Variants in DDAH1 observed in about 807,000 individuals in gnomAD.
DDAH1 encodes dimethylarginine dimethylaminohydrolase 1, also known as N(G),N(G)-dimethylarginine dimethylaminohydrolase 1.
A neutral mutation model predicts 28.8 loss-of-function variants in DDAH1; 19 were observed. The observed-to-expected ratio is 0.66, with a 90% confidence interval of 0.46 to 0.97. DDAH1 has a LOEUF of 0.97. Among genes scored for constraint, DDAH1 ranks in the 50% least tolerant of loss-of-function variants. DDAH1 has a pLI of 0.00. For missense variants in DDAH1, 326 were observed against 375.9 expected, an observed-to-expected ratio of 0.87 and a Z score of 1.10; for synonymous variants, 153 against 154.4, an observed-to-expected ratio of 0.99 and a Z score of 0.07.
At chr1:85,434,199 T>C (rs1376741092) in intron 1 of DDAH1, among the ~76,000 whole-genome samples, 1 of 152,168 alleles carries the variant, frequency 6.6e-6, no homozygotes, top group African/African-American at 2.4e-5. Flanking sequence ...AGTTATTACA[T>C]TTAACATTTT....
intron 1 of DDAH1, among the ~76,000 whole-genome samples, chr1:85,450,929 C>A (rs960718663): frequency 6.6e-6 from 1 of 152,154 alleles, no homozygotes; most frequent in African/African-American, 2.4e-5. Context: ...CTTAGAAGAT[C>A]AGAGGATGAA....
At chr1:85,476,939 GC>G (rs1228668363) in intron 2 of DDAH1, among the ~76,000 whole-genome samples, 2 of 152,136 alleles carry the variant, frequency 1.3e-5, no homozygotes, top group African/African-American at 4.8e-5. Flanking sequence ...ATACTGTCTA[GC>G]AGAGAGACAG....
intron 4 of DDAH1, among the ~76,000 whole-genome samples, chr1:85,342,956 C>G (rs562657417): frequency 1.1e-3 from 161 of 152,328 alleles, no homozygotes; most frequent in Non-Finnish European, 1.9e-3. Flanking sequence ...ACCACTCTCA[C>G]TAGGAACCAC....
intron 1 of DDAH1, among the ~76,000 whole-genome samples, chr1:85,364,674 A>G (rs763419707): frequency 2.7e-4 from 41 of 152,096 alleles, no homozygotes; most frequent in Admixed American, 1.1e-3. Context: ...CCTCCCGAAT[A>G]GCTTGGATTA....
chr1:85,372,671 C>T (rs1399271468), intron 1 of DDAH1, among the ~76,000 whole-genome samples: 1 of 151,926 alleles, frequency 6.6e-6, no homozygotes, highest in Non-Finnish European at 1.5e-5. Flanking sequence ...GAGGAATAAC[C>T]ATTAGGAATA....
At chr1:85,483,650 A>G (rs1192170202) in intron 2 of DDAH1, among the ~76,000 whole-genome samples, 1 of 152,238 alleles carries the variant, frequency 6.6e-6, no homozygotes, top group Admixed American at 6.5e-5. Flanking sequence ...AATGGGGACT[A>G]TAAAGCTTCA....
intron 4 of DDAH1, among the ~76,000 whole-genome samples, chr1:85,349,470 G>A (rs1427408947): frequency 6.6e-6 from 1 of 152,194 alleles, no homozygotes; most frequent in East Asian, 1.9e-4. Flanking sequence ...AGGAACTTCT[G>A]GCTTTGGCCC....
intron 1 of DDAH1, among the ~76,000 whole-genome samples, chr1:85,553,740 C>T (rs1658872707): frequency 6.6e-6 from 1 of 152,164 alleles, no homozygotes; most frequent in South Asian, 2.1e-4. Context: ...GGACTGTCAG[C>T]AATATTGGTG....
At chr1:85,333,131 C>T (rs1647884755) in intron 4 of DDAH1, among the ~76,000 whole-genome samples, 1 of 152,226 alleles carries the variant, frequency 6.6e-6, no homozygotes, top group Non-Finnish European at 1.5e-5. Context: ...AGGACTGGCC[C>T]ACCTGGCGTC....
chr1:85,517,530 C>T (rs572042063), intron 1 of DDAH1, among the ~76,000 whole-genome samples: 224 of 152,122 alleles, frequency 1.5e-3, no homozygotes, highest in Non-Finnish European at 2.5e-3. Context: ...GCAAGCTCAC[C>T]AAAATATTGG....
chr1:85,483,903 G>A (rs577515790), intron 2 of DDAH1, among the ~76,000 whole-genome samples: 106 of 152,230 alleles, frequency 7.0e-4, no homozygotes, highest in African/African-American at 2.3e-3. Context: ...ATATTTGATC[G>A]CAGATACACA....
At chr1:85,492,986 C>T (rs965355598) in intron 2 of DDAH1, among the ~76,000 whole-genome samples, 2 of 152,070 alleles carry the variant, frequency 1.3e-5, no homozygotes, top group South Asian at 4.2e-4. Context: ...CGAAGGGTTG[C>T]ATTATCATTT....
At chr1:85,420,325 T>C (rs1213027141) in intron 1 of DDAH1, among the ~76,000 whole-genome samples, 4 of 152,248 alleles carry the variant, frequency 2.6e-5, no homozygotes, top group Non-Finnish European at 4.4e-5. Context: ...AGCAGCCACA[T>C]GGCCAGGTTG....
Position 85,464,228 on chromosome 1 carries a change from T to C in DDAH1, c.303+515A>G, listed in dbSNP as rs76015079. ...GGACTCACTCGCCACCACTGAAAAC[T>C]AACTTGAGAAGCCCCAGGTCTGTGG... On this transcript the variant is annotated intron_variant, in intron 1 of 5. Coordinates refer to ENST00000284031, the MANE Select transcript of DDAH1 (RefSeq NM_012137.4). This position sits in a 1 kb window ranked among gnomAD's most constrained non-coding sequence, Gnocchi z 4.4. Among the ~76,000 whole-genome samples, 1 of 152,120 alleles carries C rather than the reference T, an allele frequency of 6.6e-6. No individual in the cohort carries two copies. Among genetic ancestry groups the C allele is most frequent in the Non-Finnish European group, 1.5e-5 (1 of 68,016 alleles).
chr1:85,512,350 C>T (rs150471260), intron 1 of DDAH1, among the ~76,000 whole-genome samples: 2,575 of 152,272 alleles, frequency 0.017, 29 homozygotes, highest in Non-Finnish European at 0.028. Flanking sequence ...GAATGTATCT[C>T]AAAATAATAA....
chr1:85,512,887 G>C (rs1657297722), intron 1 of DDAH1, among the ~76,000 whole-genome samples: 1 of 152,188 alleles, frequency 6.6e-6, no homozygotes. Context: ...CATGATCATG[G>C]ATAGGAAGAA....
At chr1:85,501,272 G>A (rs1656808274) in intron 1 of DDAH1, among the ~76,000 whole-genome samples, 1 of 152,166 alleles carries the variant, frequency 6.6e-6, no homozygotes, top group Non-Finnish European at 1.5e-5. Context: ...ATAGCCTTGA[G>A]TCCAGGGCTA....
intron 1 of DDAH1, among the ~76,000 whole-genome samples, chr1:85,407,010 G>C (rs547042458): frequency 6.6e-6 from 1 of 152,104 alleles, no homozygotes; most frequent in African/African-American, 2.4e-5. Flanking sequence ...TTCTTTAAGA[G>C]ACTTTAGACC....
intron 1 of DDAH1, among the ~76,000 whole-genome samples, chr1:85,524,214 G>T (rs1205846699): frequency 6.6e-6 from 1 of 151,000 alleles, no homozygotes; most frequent in Non-Finnish European, 1.5e-5. Flanking sequence ...CTACAAAGAG[G>T]TAGGGACAAT....
Sources: gnomAD v4.1 joint callset for allele counts (sites outside exome capture counted in the v4.1 genomes callset) on GRCh38, gnomAD v4.1.1 for gene constraint, Gnocchi (gnomAD v3.1) non-coding constraint, MANE v1.5 for transcripts, NCBI Gene and HGNC (gene_info 2026-07-23, HGNC 2026-07-21) for gene names.